The following CLEC16A variants were observed in gnomAD, a reference collection of about 807,000 sequenced individuals.
CLEC16A encodes protein CLEC16A.
CLEC16A carries 51 observed loss-of-function variants against 109.5 expected under a neutral mutation model. The ratio of observed to expected loss-of-function variants is 0.47; its 90% CI spans 0.37 to 0.59. The LOEUF is 0.59. Among genes scored for constraint, CLEC16A ranks in the 20% least tolerant of loss-of-function variants. The pLI is 0.00. For synonymous variants in CLEC16A, 673 were observed against 564.2 expected (o/e 1.19, Z -2.73); for missense variants, 1,339 against 1,394.0 (o/e 0.96, Z 0.63).
chr16:11,125,966 T>C lies in CLEC16A; in HGVS notation c.2474-13T>C, dbSNP rs202154847. 2.0e-5 allele frequency: 28 copies of C among 1,373,304 alleles called. No homozygotes were observed. Among genetic ancestry groups the C allele is most frequent in the Non-Finnish European group, 2.5e-5 (26 of 1,034,118 alleles). 85.1% of individuals were successfully genotyped at this position (1,373,304 alleles called of 1,614,324 possible). ...ACATGCTCAGAGTGAACCATGCTATTGTTTGACCGTAGCCCTCCTGGACCT... is the reference window on the plus strand; with the variant it reads ...ACATGCTCAGAGTGAACCATGCTATCGTTTGACCGTAGCCCTCCTGGACCT... On this transcript the variant is annotated splice_polypyrimidine_tract_variant and intron_variant, in intron 21 of 23. Coordinates refer to ENST00000409790, the MANE Select transcript of CLEC16A (RefSeq NM_015226.3).
chr16:10,975,590 A>G (rs2042995041), intron 7 of CLEC16A, among the ~76,000 whole-genome samples: 1 of 152,188 alleles, frequency 6.6e-6, no homozygotes, highest in South Asian at 2.1e-4. Flanking sequence ...GTTCATAGAC[A>G]TTCATTATAC....
At chr16:10,983,483 T>C (rs992995941) in intron 10 of CLEC16A, among the ~76,000 whole-genome samples, 3 of 152,222 alleles carry the variant, frequency 2.0e-5, no homozygotes, top group African/African-American at 7.2e-5. Flanking sequence ...CTAGGTTTTT[T>C]CATGTTTCTA....
At chr16:10,969,468 A>G (rs2042674660) in intron 4 of CLEC16A, among the ~76,000 whole-genome samples, 159 bp downstream of exon 4, 1 of 150,662 alleles carries the variant, frequency 6.6e-6, no homozygotes, top group African/African-American at 2.4e-5. Flanking sequence ...TGACTTTGGC[A>G]TGTTTAAAAA....
chr16:11,093,382 GC>G (rs1383669622), intron 19 of CLEC16A, among the ~76,000 whole-genome samples: 1 of 152,182 alleles, frequency 6.6e-6, no homozygotes, highest in Non-Finnish European at 1.5e-5. Context: ...CTCAAAAAGT[GC>G]TTCAAGGCCT....
At chr16:11,125,904 T>TGGGGGGGGGGGGGGGGGGGGGGGGGG in intron 21 of CLEC16A, 75 bp from the exon 22 acceptor site, 1 of 182,596 alleles carries the variant, frequency 5.5e-6, no homozygotes. Flanking sequence ...CACTACGATG[T>TGGGGGGGGGGGGGGGGGGGGGGGGGG]CCCCCCCCCC....
intron 22 of CLEC16A, among the ~76,000 whole-genome samples, chr16:11,138,154 A>T (rs948296140): frequency 6.6e-6 from 1 of 152,214 alleles, no homozygotes; most frequent in African/African-American, 2.4e-5. Context: ...GGGTCAGGAA[A>T]AGGAAGGTTG....
At chr16:11,147,549 A>T (rs1206966500) in intron 22 of CLEC16A, among the ~76,000 whole-genome samples, 1 of 152,216 alleles carries the variant, frequency 6.6e-6, no homozygotes, top group African/African-American at 2.4e-5. Context: ...CCCCTGCTGC[A>T]AGCTCTACTC....
chr16:11,167,504 C>T (rs576265956), intron 23 of CLEC16A, among the ~76,000 whole-genome samples: 37 of 152,252 alleles, frequency 2.4e-4, no homozygotes, highest in African/African-American at 8.7e-4. Context: ...CCAGGGAGGT[C>T]GAGGGCCCTT....
At chr16:11,045,848 G>A (rs573782652) in intron 16 of CLEC16A, among the ~76,000 whole-genome samples, 3 of 152,270 alleles carry the variant, frequency 2.0e-5, no homozygotes, top group African/African-American at 4.8e-5. Flanking sequence ...CGTTTTAAGC[G>A]ACTGCATTAT....
At chr16:11,054,391 C>T (rs570427810) in intron 18 of CLEC16A, among the ~76,000 whole-genome samples, 1 of 152,358 alleles carries the variant, frequency 6.6e-6, no homozygotes, top group South Asian at 2.1e-4. Flanking sequence ...TGGCAGGTCT[C>T]GATGATAGTC....
At chr16:11,039,706 G>A (rs972283312) in intron 13 of CLEC16A, 48 bp from the exon 14 acceptor site, 2 of 1,559,322 alleles carry the variant, frequency 1.3e-6, no homozygotes, top group Non-Finnish European at 8.7e-7. Context: ...GTATGAGGAG[G>A]TCAGGTAGTC....
chr16:11,030,388 C>G (rs778728898), intron 13 of CLEC16A, among the ~76,000 whole-genome samples: 1 of 152,214 alleles, frequency 6.6e-6, no homozygotes, highest in Non-Finnish European at 1.5e-5. Context: ...ATCCCATCAC[C>G]AGTGTACAAG....
At chr16:11,028,214 C>T (rs759283096) in intron 13 of CLEC16A, among the ~76,000 whole-genome samples, 1 of 152,106 alleles carries the variant, frequency 6.6e-6, no homozygotes, top group African/African-American at 2.4e-5. Flanking sequence ...AAAGAAAAGA[C>T]AGTAGCTTAT....
At chr16:10,981,041 C>T (rs542733640) in intron 9 of CLEC16A, among the ~76,000 whole-genome samples, 3 of 152,124 alleles carry the variant, frequency 2.0e-5, no homozygotes, top group Non-Finnish European at 4.4e-5. Context: ...CTGGCCTGCA[C>T]GTGCTTCCAC....
At chr16:10,948,569 G>A (rs927662107) in intron 1 of CLEC16A, among the ~76,000 whole-genome samples, 10 of 152,212 alleles carry the variant, frequency 6.6e-5, no homozygotes, top group African/African-American at 2.4e-4. Flanking sequence ...ATCTTTACCA[G>A]GGACTGCAAG....
chr16:10,989,995 C>G (rs1047826254), intron 10 of CLEC16A, among the ~76,000 whole-genome samples: 4 of 152,194 alleles, frequency 2.6e-5, no homozygotes, highest in African/African-American at 9.7e-5. Flanking sequence ...TTTAGTGACC[C>G]TGACTGTACT....
chr16:11,117,831 G>T (rs567047566), intron 19 of CLEC16A, among the ~76,000 whole-genome samples: 50 of 152,302 alleles, frequency 3.3e-4, no homozygotes, highest in Non-Finnish European at 6.6e-4. Flanking sequence ...TCCGGACTGA[G>T]CTCTCTTGTT....
At chr16:11,155,030 G>A (rs2153083057) in intron 22 of CLEC16A, among the ~76,000 whole-genome samples, 1 of 152,266 alleles carries the variant, frequency 6.6e-6, no homozygotes, top group African/African-American at 2.4e-5. Context: ...GGCTGAGGTG[G>A]GAGGATCAGC....
At chr16:11,152,086 T>G (rs756189151) in intron 22 of CLEC16A, among the ~76,000 whole-genome samples, 29 of 152,080 alleles carry the variant, frequency 1.9e-4, no homozygotes, top group Admixed American at 7.9e-4. Context: ...GATGCCTAAC[T>G]CAGCACAGCA....
Sources: gnomAD v4.1 joint callset for allele counts (sites outside exome capture counted in the v4.1 genomes callset) on GRCh38, gnomAD v4.1.1 for gene constraint, MANE v1.5 for transcripts, NCBI Gene and HGNC (gene_info 2026-07-23, HGNC 2026-07-21) for gene names.